The following DGKG variants were observed in gnomAD, a reference collection of about 807,000 sequenced individuals.
The protein encoded by DGKG is diacylglycerol kinase gamma.
A neutral mutation model predicts 105.3 loss-of-function variants in DGKG; 78 were observed. That is an observed-to-expected ratio of 0.74 (90% CI 0.62 to 0.89). The LOEUF (loss-of-function observed/expected upper bound fraction) is 0.89, where lower values mean the gene tolerates loss of function less well. Ranked by LOEUF, DGKG falls within the 40% of genes least tolerant of loss-of-function variation. The pLI is 0.00. For missense variants in DGKG, 958 were observed against 1,020.1 expected (o/e 0.94, Z 0.83); for synonymous variants, 346 against 367.1 (o/e 0.94, Z 0.66).
At position 186,284,522 on chromosome 3, in the gene DGKG, C is replaced by T. The variant is rs545479492; in HGVS notation, c.594+138G>A. 4.1e-5 allele frequency: 32 copies of T among 771,628 alleles called. No homozygotes were observed. The highest frequency in any genetic ancestry group is 1.5e-4 in the African/African-American group (9 of 58,200). 47.8% of individuals were successfully genotyped at this position (771,628 alleles called of 1,614,324 possible). A position where few individuals can be genotyped will look rare whatever the true frequency, so the allele number is the denominator to read the frequency against. On this transcript the variant is annotated intron_variant, in intron 7 of 24. Coordinates refer to ENST00000265022, the MANE Select transcript of DGKG (RefSeq NM_001346.3). This position sits in a 1 kb window ranked among gnomAD's most constrained non-coding sequence, Gnocchi z 4.0. ...AAATAGCGGGTGGAGAGGTCCTAGT[C>T]GGATTTCCTCAGCCTGCATCGAGAC...
chr3:186,322,970 C>T (rs1359231836), intron 1 of DGKG, among the ~76,000 whole-genome samples: 1 of 152,184 alleles, frequency 6.6e-6, no homozygotes, highest in East Asian at 1.9e-4. Flanking sequence ...CTGTGTGCTC[C>T]CTCTTGTCCA....
chr3:186,320,026 C>T (rs562851625), intron 2 of DGKG, among the ~76,000 whole-genome samples: 3 of 152,232 alleles, frequency 2.0e-5, no homozygotes, highest in South Asian at 4.1e-4. Flanking sequence ...CAAATACATA[C>T]GATATATTAG....
chr3:186,351,261 A>G (rs552772344), intron 1 of DGKG, among the ~76,000 whole-genome samples: 6 of 152,336 alleles, frequency 3.9e-5, no homozygotes, highest in African/African-American at 1.4e-4. Flanking sequence ...ACTATAACAA[A>G]TATTCCCAAA....
intron 21 of DGKG, among the ~76,000 whole-genome samples, chr3:186,198,776 T>C (rs1345977339): frequency 1.3e-5 from 2 of 152,214 alleles, no homozygotes; most frequent in South Asian, 2.1e-4. Context: ...GCAGGGCCTA[T>C]GGCCATAATA....
chr3:186,190,951 G>A (rs952882948), intron 21 of DGKG, among the ~76,000 whole-genome samples: 1 of 152,168 alleles, frequency 6.6e-6, no homozygotes, highest in Non-Finnish European at 1.5e-5. Flanking sequence ...GGACTGGACT[G>A]TCACCCAGCC....
intron 1 of DGKG, among the ~76,000 whole-genome samples, chr3:186,339,793 T>C (rs969209712): frequency 3.9e-5 from 6 of 152,198 alleles, no homozygotes; most frequent in Admixed American, 2.6e-4. Flanking sequence ...CGGAAATCTA[T>C]ATCTGCCAGG....
chr3:186,343,153 T>G (rs1726162995), intron 1 of DGKG, among the ~76,000 whole-genome samples: 1 of 152,202 alleles, frequency 6.6e-6, no homozygotes, highest in South Asian at 2.1e-4. Context: ...AACAGCTTAG[T>G]CTATCGCTTG....
At chr3:186,333,572 T>C (rs1392712796) in intron 1 of DGKG, among the ~76,000 whole-genome samples, 1 of 152,222 alleles carries the variant, frequency 6.6e-6, no homozygotes, top group African/African-American at 2.4e-5. Context: ...GTGTTTTTCA[T>C]ACTCCTTCTA....
At chr3:186,334,786 A>G (rs1725752251) in intron 1 of DGKG, among the ~76,000 whole-genome samples, 1 of 152,186 alleles carries the variant, frequency 6.6e-6, no homozygotes, top group South Asian at 2.1e-4. Flanking sequence ...CTATTAATTA[A>G]TGAATCCAGG....
At chr3:186,280,882 T>C (rs1722801812) in intron 7 of DGKG, 138 bp from the exon 8 acceptor site, 1 of 658,148 alleles carries the variant, frequency 1.5e-6, no homozygotes, top group African/African-American at 1.8e-5. Context: ...AACTGCCATT[T>C]TGTGAGGAGC....
rs1396069287 is a variant in DGKG, at chr3:186,275,437, C to G, written c.910+110G>C. 7.6e-6 allele frequency: 7 copies of G among 923,068 alleles called. No individual in the cohort carries two copies. In the Admixed American group the frequency reaches 1.3e-4, roughly 17 times the overall value. The allele number at this position is 923,068 out of a possible 1,614,324, so 57.2% of individuals were successfully genotyped here. A position where few individuals can be genotyped will look rare whatever the true frequency, so the allele number is the denominator to read the frequency against. ...CTTCTGTTGGGACAATATGGGTGGT[C>G]CCTCAAGCTGGGAAGCAGAAATACC... On this transcript the variant is annotated intron_variant, in intron 10 of 24. Coordinates refer to ENST00000265022, the MANE Select transcript of DGKG (RefSeq NM_001346.3).
At chr3:186,232,714 G>A (rs901704042) in intron 20 of DGKG, among the ~76,000 whole-genome samples, 2 of 152,116 alleles carry the variant, frequency 1.3e-5, no homozygotes, top group African/African-American at 4.8e-5. Flanking sequence ...CATGATAAAT[G>A]TATTGATATT....
intron 19 of DGKG, among the ~76,000 whole-genome samples, chr3:186,244,333 TA>T (rs1720834036): frequency 6.6e-6 from 1 of 152,050 alleles, no homozygotes; most frequent in South Asian, 2.1e-4. Flanking sequence ...AAGATGGGCT[TA>T]TTTTGTGATT....
chr3:186,174,490 CAG>C (rs1223279345), intron 22 of DGKG, among the ~76,000 whole-genome samples: 48 of 152,106 alleles, frequency 3.2e-4, no homozygotes, highest in African/African-American at 1.1e-3. Context: ...AAGAGAAAGG[CAG>C]AGAGACGGTA....
intron 19 of DGKG, among the ~76,000 whole-genome samples, chr3:186,250,195 A>G (rs1196005901): frequency 6.6e-6 from 1 of 152,168 alleles, no homozygotes; most frequent in Non-Finnish European, 1.5e-5. Flanking sequence ...GGGCTGGAAT[A>G]TGTACAGTCT....
intron 19 of DGKG, among the ~76,000 whole-genome samples, chr3:186,247,821 T>C (rs1721016053): frequency 6.6e-6 from 1 of 152,170 alleles, no homozygotes; most frequent in Admixed American, 6.5e-5. Flanking sequence ...TATTGTGAAG[T>C]TGTTCATAAT....
At chr3:186,238,976 G>A (rs1161670889) in intron 20 of DGKG, among the ~76,000 whole-genome samples, 2 of 152,010 alleles carry the variant, frequency 1.3e-5, no homozygotes, top group Non-Finnish European at 1.5e-5. Context: ...AAACATTTTG[G>A]GAGTATAGGT....
chr3:186,256,259 C>A (rs902767647), intron 17 of DGKG, among the ~76,000 whole-genome samples: 2 of 152,102 alleles, frequency 1.3e-5, no homozygotes, highest in African/African-American at 4.8e-5. Context: ...GGCAGGTGTA[C>A]GGTCCTGCAG....
At chr3:186,217,951 T>C (rs898604709) in intron 20 of DGKG, among the ~76,000 whole-genome samples, 2 of 152,196 alleles carry the variant, frequency 1.3e-5, no homozygotes, top group African/African-American at 4.8e-5. Flanking sequence ...ACTTTGATAA[T>C]CAGGTTCTCT....
Sources: allele counts gnomAD v4.1 joint callset (sites outside exome capture counted in the v4.1 genomes callset), GRCh38; gene constraint gnomAD v4.1.1; non-coding constraint Gnocchi (gnomAD v3.1); transcripts MANE v1.5; gene names NCBI Gene and HGNC (gene_info 2026-07-23, HGNC 2026-07-21).